SV2C: variants seen among roughly 807,000 people sequenced by gnomAD.
SV2C encodes solute carrier family 22 member B3.
SV2C carries 49 observed loss-of-function variants against 79.7 expected under a neutral mutation model. That is an observed-to-expected ratio of 0.61 (90% CI 0.49 to 0.78). The LOEUF (loss-of-function observed/expected upper bound fraction) is 0.78. SV2C is among the 30% of genes least tolerant of loss of function. SV2C has a pLI of 0.00. For synonymous variants in SV2C, 334 were observed against 333.2 expected (o/e 1.00, Z -0.03); for missense variants, 833 against 912.9 (o/e 0.91, Z 1.13).
At chr5:76,036,291 T>C in the SV2C span, among the ~76,000 whole-genome samples, 1 of 152,152 alleles carries the variant, frequency 6.6e-6, no homozygotes, top group Non-Finnish European at 1.5e-5. Flanking sequence ...GTCATTATGA[T>C]GTTAGCTGGT....
the SV2C span, among the ~76,000 whole-genome samples, chr5:75,852,850 A>AG: frequency 7.6e-6 from 1 of 132,422 alleles, no homozygotes; most frequent in African/African-American, 3.7e-5. Flanking sequence ...AAAAGAAAAA[A>AG]GAAAAAAAAC....
intron 4 of SV2C, among the ~76,000 whole-genome samples, chr5:76,223,485 ATATATATATATG>A (rs1171028208): frequency 0.024 from 1,027 of 43,104 alleles, 24 homozygotes; most frequent in African/African-American, 0.04. Flanking sequence ...ATATATATAT[ATATATATATATG>A]TATATGTATA....
the SV2C span, among the ~76,000 whole-genome samples, chr5:75,877,625 AC>A: frequency 1.3e-5 from 2 of 151,740 alleles, no homozygotes; most frequent in African/African-American, 4.8e-5. Flanking sequence ...AAATTGAAAA[AC>A]TCACAAATAG....
chr5:76,348,720 G>A (rs1749589621), intron 12 of SV2C, among the ~76,000 whole-genome samples: 5 of 152,200 alleles, frequency 3.3e-5, no homozygotes, highest in Admixed American at 2.0e-4. Context: ...AAGAACATGG[G>A]CTGGGCATGG....
the SV2C span, among the ~76,000 whole-genome samples, chr5:75,950,387 G>T: frequency 6.6e-6 from 1 of 152,022 alleles, no homozygotes; most frequent in South Asian, 2.1e-4. Flanking sequence ...TGGAGGGGAT[G>T]AATTAGGAAG....
At chr5:75,961,129 C>A in the SV2C span, among the ~76,000 whole-genome samples, 1 of 151,978 alleles carries the variant, frequency 6.6e-6, no homozygotes, top group East Asian at 1.9e-4. Flanking sequence ...TTCTACCTTG[C>A]CAATATATTT....
chr5:75,946,838 T>C, the SV2C span, among the ~76,000 whole-genome samples: 407 of 152,216 alleles, frequency 2.7e-3, 2 homozygotes, highest in African/African-American at 9.3e-3. Flanking sequence ...TTTGTGCTCA[T>C]AGGTACATGA....
At chr5:76,090,927 G>A (rs994950542) in intron 1 of SV2C, among the ~76,000 whole-genome samples, 1 of 152,132 alleles carries the variant, frequency 6.6e-6, no homozygotes, top group African/African-American at 2.4e-5. Flanking sequence ...GGGTAGAGAA[G>A]GTGACCCACT....
At chr5:76,255,563 C>T (rs774858963) in intron 4 of SV2C, among the ~76,000 whole-genome samples, 4 of 152,194 alleles carry the variant, frequency 2.6e-5, no homozygotes, top group African/African-American at 9.6e-5. Context: ...ACTGTCCTAG[C>T]TTGGATCTCT....
chr5:76,046,695 G>GA, the SV2C span, among the ~76,000 whole-genome samples: 21 of 150,366 alleles, frequency 1.4e-4, no homozygotes, highest in Admixed American at 7.3e-4. Context: ...ATTTTTAAAA[G>GA]AAAAAAAAAA....
intron 4 of SV2C, chr5:76,241,909 A>G (rs1284170905): frequency 3.0e-6 from 2 of 671,746 alleles, no homozygotes; most frequent in African/African-American, 3.7e-5. Flanking sequence ...ACATAGCTTT[A>G]AAAAAAATAA....
At chr5:76,174,288 G>A (rs1743451788) in intron 2 of SV2C, 5 of 1,132,782 alleles carry the variant, frequency 4.4e-6, no homozygotes, top group Admixed American at 2.1e-5. Context: ...TACTCTAGGC[G>A]CCACGGCGGT....
At chr5:75,953,525 T>C in the SV2C span, among the ~76,000 whole-genome samples, 2 of 152,044 alleles carry the variant, frequency 1.3e-5, no homozygotes, top group African/African-American at 2.4e-5. Context: ...CCTTCAACTT[T>C]TTAACCTAAT....
At chr5:75,957,874 A>G in the SV2C span, among the ~76,000 whole-genome samples, 2 of 152,006 alleles carry the variant, frequency 1.3e-5, no homozygotes, top group Non-Finnish European at 2.9e-5. Flanking sequence ...TAGACAAGTC[A>G]TTGTATCTTT....
chr5:75,933,087 C>T, the SV2C span, among the ~76,000 whole-genome samples: 1 of 152,126 alleles, frequency 6.6e-6, no homozygotes, highest in Non-Finnish European at 1.5e-5. Flanking sequence ...GATGTTTCCT[C>T]TCTATGGGAG....
the SV2C span, among the ~76,000 whole-genome samples, chr5:76,054,362 A>T: frequency 3.9e-5 from 6 of 152,168 alleles, no homozygotes; most frequent in African/African-American, 1.4e-4. Context: ...ATTGGTGCAT[A>T]TGTGCCACAT....
chr5:76,346,336 T>C (rs2112588748), intron 12 of SV2C, among the ~76,000 whole-genome samples: 1 of 152,384 alleles, frequency 6.6e-6, no homozygotes, highest in Non-Finnish European at 1.5e-5. Context: ...TGACAATGGC[T>C]GTGTTTAACG....
At chr5:76,260,857 A>AG (rs1746439979) in intron 4 of SV2C, among the ~76,000 whole-genome samples, 1 of 152,186 alleles carries the variant, frequency 6.6e-6, no homozygotes, top group Non-Finnish European at 1.5e-5. Context: ...CTTGTAGTAT[A>AG]GTTTGAAGTC....
At chr5:75,905,168 A>G in the SV2C span, among the ~76,000 whole-genome samples, 2 of 152,198 alleles carry the variant, frequency 1.3e-5, no homozygotes, top group South Asian at 2.1e-4. Context: ...AAGATTCTCT[A>G]GTGATGCTGA....
Sources: allele counts gnomAD v4.1 joint callset (sites outside exome capture counted in the v4.1 genomes callset), GRCh38; gene constraint gnomAD v4.1.1; transcripts MANE v1.5; gene names NCBI Gene and HGNC (gene_info 2026-07-23, HGNC 2026-07-21).